Variants in WDR41 observed in about 807,000 individuals in gnomAD.
WDR41 encodes the protein WD repeat domain 41.
WDR41 carries 63 observed loss-of-function variants against 69.3 expected under a neutral mutation model. The observed-to-expected ratio is 0.91, with a 90% CI of 0.74 to 1.12. WDR41 has a LOEUF of 1.12. Among genes scored for constraint, WDR41 ranks in the 50% most tolerant of loss-of-function variants. The pLI is 0.00. For synonymous variants in WDR41, 185 were observed against 192.1 expected (o/e 0.96, Z 0.31); for missense variants, 543 against 534.5 (o/e 1.02, Z -0.16).
chr5:77,588,623 A>G lies in WDR41; in HGVS notation c.42+31856T>C, dbSNP rs558597495. Among the ~76,000 whole-genome samples the G allele has an allele frequency of 2.6e-5, 4 of 152,304 alleles. No homozygotes were observed. The East Asian group carries it at 7.7e-4, about 29-fold the overall frequency. ...CTTCATCTCACTGACCTATATGGTC[A>G]ATTCTCATTATTTGCAATAGTTAAT... On this transcript the variant is annotated intron_variant, in intron 1 of 5. Transcript: ENST00000509971.
chr5:77,599,447 G>T (rs1744286438), intron 1 of WDR41, among the ~76,000 whole-genome samples: 1 of 152,026 alleles, frequency 6.6e-6, no homozygotes, highest in Admixed American at 6.5e-5. Flanking sequence ...TGATCTGCCT[G>T]CCTCGGCCTC....
intron 1 of WDR41, among the ~76,000 whole-genome samples, chr5:77,560,832 A>C (rs1330806905): frequency 1.3e-5 from 2 of 152,110 alleles, no homozygotes; most frequent in African/African-American, 4.8e-5. Context: ...GGTTTTCCTA[A>C]TTATGGATTT....
intron 5 of WDR41, among the ~76,000 whole-genome samples, chr5:77,454,709 A>G (rs930451667): frequency 6.6e-6 from 1 of 152,228 alleles, no homozygotes; most frequent in African/African-American, 2.4e-5. Flanking sequence ...AACAGAAAAT[A>G]AAAGGCAGAG....
At chr5:77,459,176 A>G in intron 4 of WDR41, 52 bp from the exon 5 acceptor site, 2 of 1,330,334 alleles carry the variant, frequency 1.5e-6, no homozygotes, top group Non-Finnish European at 2.1e-6. Flanking sequence ...AATCTTAATT[A>G]TAACTTTTCT....
intron 7 of WDR41, 132 bp from the exon 8 acceptor site, chr5:77,450,002 G>A: frequency 3.1e-6 from 2 of 641,728 alleles, no homozygotes; most frequent in Non-Finnish European, 5.5e-6. Flanking sequence ...CCAAAAAAAA[G>A]CCTTATTCAT....
chr5:77,564,947 T>A (rs1006765967), intron 1 of WDR41, among the ~76,000 whole-genome samples: 1 of 152,116 alleles, frequency 6.6e-6, no homozygotes, highest in African/African-American at 2.4e-5. Flanking sequence ...ACCAATTTCT[T>A]TTCTCTCTTT....
chr5:77,436,438 C>T lies in WDR41; in HGVS notation c.1094-44G>A, dbSNP rs533305537. 55 of 1,597,404 alleles carry T rather than the reference C, an allele frequency of 3.4e-5. 1 individual carries two copies. In the East Asian group the frequency reaches 1.2e-3, roughly 35 times the overall value. On this transcript the variant is annotated intron_variant, in intron 11 of 12. Transcript: ENST00000296679. ...CCAAAATTACTGTGCTCTGTACTTA[C>T]AATAACATGAGATCAGAAAAACAAA... is the stretch of plus-strand genomic sequence containing the variant.
At chr5:77,602,005 C>T (rs1744331026) in intron 1 of WDR41, among the ~76,000 whole-genome samples, 1 of 152,176 alleles carries the variant, frequency 6.6e-6, no homozygotes, top group Non-Finnish European at 1.5e-5. Flanking sequence ...ATATACAAAA[C>T]ATTGTTGTTA....
chr5:77,442,833 A>T (rs1035109652), intron 8 of WDR41, among the ~76,000 whole-genome samples: 1 of 137,024 alleles, frequency 7.3e-6, no homozygotes, highest in African/African-American at 2.8e-5. Context: ...CGGAGCTTGC[A>T]GTAAGCCGAG....
chr5:77,442,248 T>C (rs1048096138), intron 8 of WDR41, among the ~76,000 whole-genome samples: 4 of 152,176 alleles, frequency 2.6e-5, no homozygotes, highest in African/African-American at 9.6e-5. Context: ...TATGTACAAA[T>C]ACACAATCTT....
At chr5:77,500,481 G>A (rs796519452) in intron 1 of WDR41, among the ~76,000 whole-genome samples, 5 of 152,154 alleles carry the variant, frequency 3.3e-5, no homozygotes, top group African/African-American at 1.2e-4. Flanking sequence ...AGCAGTATAA[G>A]GAATGAAAGC....
intron 1 of WDR41, among the ~76,000 whole-genome samples, chr5:77,553,082 T>C (rs903024834): frequency 1.3e-5 from 2 of 152,216 alleles, no homozygotes; most frequent in African/African-American, 2.4e-5. Flanking sequence ...GTGAAAGCCA[T>C]ATAAAGAGGA....
intron 7 of WDR41, among the ~76,000 whole-genome samples, chr5:77,450,416 C>T (rs1181725048): frequency 2.0e-5 from 3 of 152,166 alleles, no homozygotes; most frequent in Admixed American, 6.5e-5. Flanking sequence ...TCATACAGTT[C>T]TTCTGACTAT....
intron 1 of WDR41, among the ~76,000 whole-genome samples, chr5:77,531,541 C>T (rs1487169084): frequency 6.6e-6 from 1 of 151,890 alleles, no homozygotes; most frequent in African/African-American, 2.4e-5. Context: ...AACCCTTGTA[C>T]ATTGGTAGTG....
chr5:77,514,022 C>T (rs1802250347), intron 1 of WDR41, among the ~76,000 whole-genome samples: 1 of 152,140 alleles, frequency 6.6e-6, no homozygotes, highest in East Asian at 1.9e-4. Context: ...AACTTCCCTA[C>T]ATGTGTTATG....
intron 2 of WDR41, among the ~76,000 whole-genome samples, chr5:77,465,498 C>T (rs1042561754): frequency 6.6e-6 from 1 of 152,028 alleles, no homozygotes. Context: ...TGAACATAAA[C>T]ACTATCAAAA....
intron 1 of WDR41, among the ~76,000 whole-genome samples, chr5:77,497,394 A>G (rs72769083): frequency 0.018 from 2,755 of 152,140 alleles, 34 homozygotes; most frequent in Middle Eastern, 0.061. Flanking sequence ...CTACAACTCA[A>G]CAACAACAAC....
intron 1 of WDR41, among the ~76,000 whole-genome samples, chr5:77,569,637 A>G (rs1198432209): frequency 1.3e-5 from 2 of 152,220 alleles, no homozygotes; most frequent in African/African-American, 4.8e-5. Flanking sequence ...GAATGATTGC[A>G]TCACTACCCA....
Position 77,509,205 on chromosome 5 carries a change from C to A in WDR41, c.43-19633G>T, listed in dbSNP as rs145242715. On this transcript the variant is annotated intron_variant, in intron 1 of 5. Transcript: ENST00000509971. ...TTTAATTTTATTGCTGGAGACCTCC[C>A]TCATCAAGACTTCTGACTTGCTGCT... 3.3e-4 allele frequency among the ~76,000 whole-genome samples: 50 copies of A among 152,244 alleles called. No homozygotes were observed. The East Asian group carries it at 8.5e-3, about 26-fold the overall frequency.
Sources: allele counts gnomAD v4.1 joint callset (sites outside exome capture counted in the v4.1 genomes callset), GRCh38; gene constraint gnomAD v4.1.1; transcripts MANE v1.5; gene names NCBI Gene and HGNC (gene_info 2026-07-23, HGNC 2026-07-21).